Variants in VWA3A observed in about 807,000 individuals in gnomAD.
VWA3A encodes the protein von Willebrand factor A domain containing 3A.
VWA3A carries 134 observed loss-of-function variants against 160.4 expected under a neutral mutation model. The observed-to-expected ratio is 0.84, with a 90% CI of 0.73 to 0.96. VWA3A has a LOEUF of 0.96. VWA3A is among the 40% of genes least tolerant of loss of function. The probability of loss-of-function intolerance (pLI) is 0.00; values close to 1 mark genes in which losing one functional copy is unlikely to be tolerated. For missense variants in VWA3A, 1,310 were observed against 1,447.9 expected (o/e 0.90, Z 1.55); for synonymous variants, 476 against 543.4 (o/e 0.88, Z 1.72).
chr16:22,153,106 G>A (rs2046378589), intron 31 of VWA3A, among the ~76,000 whole-genome samples: 1 of 152,188 alleles, frequency 6.6e-6, no homozygotes, highest in Non-Finnish European at 1.5e-5. Context: ...ATCACTTTGG[G>A]AGGCCGAGGT....
intron 1 of VWA3A, 39 bp downstream of exon 1, chr16:22,092,690 G>GAC (rs1372838043): frequency 6.5e-7 from 1 of 1,549,906 alleles, no homozygotes; most frequent in Non-Finnish European, 8.7e-7. Flanking sequence ...GGGGTGGTGA[G>GAC]AGGGTGTCGG....
At chr16:22,106,119 G>A (rs1316466078) in intron 6 of VWA3A, among the ~76,000 whole-genome samples, 1 of 152,118 alleles carries the variant, frequency 6.6e-6, no homozygotes, top group African/African-American at 2.4e-5. Flanking sequence ...GCGTGGTGGT[G>A]CACACCTGTA....
chr16:22,121,613 A>G lies in VWA3A; in HGVS notation c.1352A>G (p.His451Arg). 1.9e-6 allele frequency: 3 copies of G among 1,609,330 alleles called. No individual in the cohort carries two copies. The highest frequency in any genetic ancestry group is 1.1e-5 in the South Asian group (1 of 90,982). The change falls in exon 14 of 34, where the codon CAT becomes CGT. Residue 451 changes from histidine to arginine, a missense_variant. Transcript: ENST00000389398. ...CAGAAAACAGTATCATCGACCATCCATGAGGTAATTCAGATTCATAATTCT... is the reference window on the plus strand; with the variant it reads ...CAGAAAACAGTATCATCGACCATCCGTGAGGTAATTCAGATTCATAATTCT... Reference protein sequence around the residue: ...ILQKTVSSTIHEKAMIQFEWH... With the variant: ...ILQKTVSSTIREKAMIQFEWH...
chr16:22,117,348 G>A (rs910104446), intron 11 of VWA3A, among the ~76,000 whole-genome samples, 172 bp downstream of exon 11: 17 of 152,238 alleles, frequency 1.1e-4, no homozygotes, highest in Admixed American at 6.5e-4. Context: ...GAATGAATAT[G>A]TGGGAAGACC....
intron 9 of VWA3A, among the ~76,000 whole-genome samples, chr16:22,115,929 A>AGGG: frequency 5.3e-5 from 1 of 18,780 alleles, no homozygotes; most frequent in Non-Finnish European, 6.9e-5. Flanking sequence ...AAGGAAAGGA[A>AGGG]AGGAAAGGAA....
At chr16:22,148,083 TA>T in intron 27 of VWA3A, 78 bp from the exon 28 acceptor site, 1 of 1,465,510 alleles carries the variant, frequency 6.8e-7, no homozygotes, top group South Asian at 1.3e-5. Flanking sequence ...TTATACTTGA[TA>T]GATAGAGTGA....
chr16:22,124,476 C>T (rs976931853), intron 16 of VWA3A, among the ~76,000 whole-genome samples: 1 of 149,550 alleles, frequency 6.7e-6, no homozygotes, highest in Admixed American at 6.7e-5. Flanking sequence ...TGATTCCATA[C>T]CTTGTTTGAT....
In VWA3A at chr16:22,114,392, G is replaced by A. The variant is rs375534902; in HGVS notation, c.690-955G>A. Among the ~76,000 whole-genome samples, 78 of 152,278 alleles carry A rather than the reference G, an allele frequency of 5.1e-4. 1 individual carries two copies. The highest frequency in any genetic ancestry group is 1.3e-3 in the East Asian group (7 of 5,190). On this transcript the variant is annotated intron_variant, in intron 8 of 33. Coordinates refer to ENST00000389398, the MANE Select transcript of VWA3A (RefSeq NM_173615.5). ...TTTCTCTTAGAGCCTTCTTAGGGTCGCGGAATTAACTCCATGCCTCCTGTT... is the reference window on the plus strand; with the variant it reads ...TTTCTCTTAGAGCCTTCTTAGGGTCACGGAATTAACTCCATGCCTCCTGTT...
Position 22,155,837 on chromosome 16 carries a change from C to G in VWA3A, c.3504-14C>G, listed in dbSNP as rs757262929. 1 of 1,613,916 alleles carries G rather than the reference C, an allele frequency of 6.2e-7. No individual in the cohort carries two copies. ...CACCAGGGAGACCATCTTTCTTCAT[C>G]TCCTGCCCACCAGATCCCAACTCCA... On this transcript the variant is annotated splice_polypyrimidine_tract_variant and intron_variant, in intron 32 of 33. Transcript: ENST00000389398.
intron 12 of VWA3A, among the ~76,000 whole-genome samples, chr16:22,120,170 C>T (rs922080789): frequency 6.6e-6 from 1 of 152,144 alleles, no homozygotes; most frequent in South Asian, 2.1e-4. Context: ...GGTTACATAA[C>T]TTGCCTGAGA....
chr16:22,153,895 GC>G (rs2046391148), intron 31 of VWA3A, among the ~76,000 whole-genome samples: 1 of 151,704 alleles, frequency 6.6e-6, no homozygotes, highest in African/African-American at 2.4e-5. Context: ...GTGCCACCAC[GC>G]CCAGCTAATT....
In VWA3A at chr16:22,131,602, G is replaced by T; in HGVS notation, c.1745G>T (p.Arg582Leu). Residue 582 changes from arginine (R) to leucine (L), a missense_variant, in exon 19 of 34, where the codon CGG becomes CTG. Coordinates refer to ENST00000389398, the MANE Select transcript of VWA3A (RefSeq NM_173615.5). ...QSAWRWALNLRCRGSRNVLSA... is the reference protein window; with the variant it reads ...QSAWRWALNLLCRGSRNVLSA... The stretch of plus-strand genomic sequence containing the variant: ...CTCCGCAGGTGGGCCCTGAACCTGC[G>T]GTGTCGGGGCAGCAGGAACGTTCTC... 6.2e-7 allele frequency: 1 copy of T among 1,613,378 alleles called. No individual in the cohort carries two copies. The highest frequency in any genetic ancestry group is 8.5e-7 in the Non-Finnish European group (1 of 1,179,582).
chr16:22,116,537 C>T (rs1049811922), intron 9 of VWA3A, among the ~76,000 whole-genome samples: 1 of 152,098 alleles, frequency 6.6e-6, no homozygotes, highest in South Asian at 2.1e-4. Flanking sequence ...CACACACACA[C>T]GAGGGAAGGA....
chr16:22,126,319 G>A (rs759252048), intron 17 of VWA3A, 22 bp downstream of exon 17: 3 of 1,606,968 alleles, frequency 1.9e-6, no homozygotes, highest in Non-Finnish European at 2.6e-6. Context: ...CTGGCTCCTG[G>A]GGGCAAGGGT....
At chr16:22,126,123 A>G in intron 16 of VWA3A, 55 bp from the exon 17 acceptor site, 3 of 1,605,728 alleles carry the variant, frequency 1.9e-6, no homozygotes, top group Admixed American at 1.7e-5. Flanking sequence ...ATGGAACAAA[A>G]TAAACATTAT....
At chr16:22,097,459 A>T in intron 2 of VWA3A, 113 bp from the exon 3 acceptor site, 1 of 1,384,476 alleles carries the variant, frequency 7.2e-7, no homozygotes, top group Non-Finnish European at 9.6e-7. Flanking sequence ...GTTACTGCAC[A>T]GAAAAATGTT....
intron 5 of VWA3A, among the ~76,000 whole-genome samples, chr16:22,103,246 C>T (rs1263713734): frequency 1.3e-5 from 2 of 151,948 alleles, no homozygotes; most frequent in African/African-American, 4.8e-5. Flanking sequence ...GTTGCTTAAG[C>T]TGGTCTTGAA....
chr16:22,150,775 A>C lies in VWA3A; in HGVS notation c.3210A>C (p.Leu1070=). ...CAGACACAAGCTGCAGCCTTGTCCT[A>C]AATGAAGTCCAAAAACTCAGGGAGA... ...GKPDTSCSLV[L]NEVQKLREKR... Residue 1070 remains leucine, a synonymous_variant, in exon 30 of 34, where the codon CTA becomes CTC. Coordinates refer to ENST00000389398, the MANE Select transcript of VWA3A (RefSeq NM_173615.5). 6.2e-7 allele frequency: 1 copy of C among 1,613,344 alleles called. No individual in the cohort carries two copies. Among genetic ancestry groups the C allele is most frequent in the South Asian group, 1.1e-5 (1 of 90,844 alleles).
At chr16:22,124,757 TA>T (rs1422702213) in intron 16 of VWA3A, among the ~76,000 whole-genome samples, 1 of 151,940 alleles carries the variant, frequency 6.6e-6, no homozygotes, top group African/African-American at 2.4e-5. Context: ...ACAAGTAGTT[TA>T]TGGTTAAACT....
Sources: allele counts gnomAD v4.1 joint callset (sites outside exome capture counted in the v4.1 genomes callset), GRCh38; gene constraint gnomAD v4.1.1; transcripts MANE v1.5; gene names NCBI Gene and HGNC (gene_info 2026-07-23, HGNC 2026-07-21).